Variants in EXOC4 observed in about 807,000 individuals in gnomAD.
The protein encoded by EXOC4 is SEC8-like 1.
Under a neutral mutation model 107.2 loss-of-function variants are expected in EXOC4, and 71 were observed. The observed-to-expected ratio is 0.66, with a 90% CI of 0.55 to 0.81. The LOEUF is 0.81. Ranked by LOEUF, EXOC4 falls within the 30% of genes least tolerant of loss-of-function variation. The probability of loss-of-function intolerance (pLI) is 0.00; values close to 1 mark genes in which losing one functional copy is unlikely to be tolerated. For synonymous variants in EXOC4, 456 were observed against 441.2 expected, an observed-to-expected ratio of 1.03 and a Z score of -0.42; for missense variants, 1,108 against 1,189.6, an observed-to-expected ratio of 0.93 and a Z score of 1.01.
intron 9 of EXOC4, among the ~76,000 whole-genome samples, chr7:133,489,773 C>T (rs1370423295): frequency 6.6e-6 from 1 of 152,060 alleles, no homozygotes; most frequent in African/African-American, 2.4e-5. Context: ...CCTTTGAAGG[C>T]CAAAAGAAAA....
Position 134,025,883 on chromosome 7 carries a change from T to C in EXOC4, c.2687+18048T>C, listed in dbSNP as rs764077644. 7.2e-5 allele frequency among the ~76,000 whole-genome samples: 11 copies of C among 152,260 alleles called. No individual in the cohort carries two copies. The South Asian group carries it at 1.9e-3, about 26-fold the overall frequency. On this transcript the variant is annotated intron_variant, in intron 17 of 17. Transcript: ENST00000253861. ...AGTCACAGGGCTAGCCCAGATTTAA[T>C]GTAGGAGAGGACTAAATAGAGGCAT...
chr7:133,318,814 CTTTG>C (rs545867789), intron 5 of EXOC4, among the ~76,000 whole-genome samples: 3 of 152,156 alleles, frequency 2.0e-5, no homozygotes, highest in African/African-American at 7.2e-5. Context: ...ATAGATTTTC[CTTTG>C]TTTAATTAGT....
chr7:133,362,267 C>T (rs1796152586), intron 6 of EXOC4, among the ~76,000 whole-genome samples: 1 of 152,114 alleles, frequency 6.6e-6, no homozygotes, highest in Non-Finnish European at 1.5e-5. Flanking sequence ...ATCTTTGATA[C>T]ATCTGGGATC....
chr7:133,309,244 CT>C (rs948832460), intron 4 of EXOC4, among the ~76,000 whole-genome samples: 5 of 152,104 alleles, frequency 3.3e-5, no homozygotes, highest in Non-Finnish European at 7.3e-5. Context: ...TTTTTATACA[CT>C]TAAAACCAGG....
chr7:134,059,500 A>G (rs1796006353), intron 17 of EXOC4, among the ~76,000 whole-genome samples: 1 of 152,208 alleles, frequency 6.6e-6, no homozygotes. Flanking sequence ...GTTCCACCTC[A>G]TGCAAATCAA....
chr7:133,604,871 G>T (rs1283818728), intron 9 of EXOC4, among the ~76,000 whole-genome samples: 3 of 151,360 alleles, frequency 2.0e-5, no homozygotes, highest in African/African-American at 7.3e-5. Flanking sequence ...TTGCAAGCAT[G>T]TGCCACCACA....
chr7:133,574,189 G>A (rs910650039), intron 9 of EXOC4, among the ~76,000 whole-genome samples: 1 of 152,050 alleles, frequency 6.6e-6, no homozygotes, highest in Non-Finnish European at 1.5e-5. Context: ...AAAAGAGAGT[G>A]TGTGTGTATG....
intron 9 of EXOC4, among the ~76,000 whole-genome samples, chr7:133,617,559 C>T (rs1683260502): frequency 2.0e-5 from 3 of 152,108 alleles, no homozygotes; most frequent in African/African-American, 7.2e-5. Flanking sequence ...TTACCAAACC[C>T]AAGTGAACTA....
chr7:133,908,847 T>C (rs1383998169), intron 12 of EXOC4, among the ~76,000 whole-genome samples: 1 of 152,216 alleles, frequency 6.6e-6, no homozygotes, highest in Non-Finnish European at 1.5e-5. Context: ...TTAATTTTTT[T>C]ATTATCATAC....
intron 9 of EXOC4, among the ~76,000 whole-genome samples, chr7:133,563,701 G>A (rs1800853160): frequency 1.3e-5 from 2 of 152,182 alleles, no homozygotes; most frequent in African/African-American, 2.4e-5. Flanking sequence ...GCATAAGTTA[G>A]TGGGGAAAAT....
chr7:133,360,170 T>G (rs149666714), intron 6 of EXOC4, among the ~76,000 whole-genome samples: 18 of 152,346 alleles, frequency 1.2e-4, no homozygotes, highest in South Asian at 2.1e-4. Flanking sequence ...TGCTGCCTAA[T>G]TGTTGATTCT....
At chr7:133,274,366 A>G (rs557719080) in intron 1 of EXOC4, among the ~76,000 whole-genome samples, 1 of 152,160 alleles carries the variant, frequency 6.6e-6, no homozygotes, top group East Asian at 1.9e-4. Context: ...AAAAAGACCA[A>G]CTGAAAGTGA....
intron 7 of EXOC4, among the ~76,000 whole-genome samples, chr7:133,399,412 G>A (rs559135672): frequency 6.6e-6 from 1 of 152,276 alleles, no homozygotes; most frequent in Admixed American, 6.5e-5. Context: ...GAACAACACA[G>A]TACCAGCATC....
intron 11 of EXOC4, among the ~76,000 whole-genome samples, chr7:133,845,649 G>A (rs561600009): frequency 1.3e-5 from 2 of 152,010 alleles, no homozygotes; most frequent in Admixed American, 6.6e-5. Flanking sequence ...TCAGCCATGG[G>A]CATCTCACTC....
At chr7:133,367,113 T>C (rs1297920436) in intron 6 of EXOC4, among the ~76,000 whole-genome samples, 5 of 152,064 alleles carry the variant, frequency 3.3e-5, no homozygotes, top group Non-Finnish European at 7.4e-5. Context: ...TATGATGAGT[T>C]CCATTTAAGT....
chr7:134,078,937 C>T, the EXOC4 span, among the ~76,000 whole-genome samples: 1 of 152,198 alleles, frequency 6.6e-6, no homozygotes, highest in Non-Finnish European at 1.5e-5. Context: ...TGCTTACACA[C>T]TGTTCCAGAC....
At chr7:133,698,963 G>A (rs1039174378) in intron 10 of EXOC4, among the ~76,000 whole-genome samples, 1 of 3,972 alleles carries the variant, frequency 2.5e-4, no homozygotes, top group African/African-American at 2.7e-4. Context: ...TGTATTTCTT[G>A]TAAAACTGCA....
At chr7:133,296,864 C>G (rs1482211947) in intron 3 of EXOC4, among the ~76,000 whole-genome samples, 2 of 152,098 alleles carry the variant, frequency 1.3e-5, no homozygotes, top group African/African-American at 4.8e-5. Context: ...TGCAAGAATT[C>G]TAAATTCAGG....
At chr7:133,372,504 A>AAT (rs1796399016) in intron 6 of EXOC4, among the ~76,000 whole-genome samples, 1 of 152,068 alleles carries the variant, frequency 6.6e-6, no homozygotes, top group East Asian at 1.9e-4. Flanking sequence ...AGATGTTAAT[A>AAT]GATACTGTGA....
Sources: allele counts gnomAD v4.1 joint callset (sites outside exome capture counted in the v4.1 genomes callset), GRCh38; gene constraint gnomAD v4.1.1; transcripts MANE v1.5; gene names NCBI Gene and HGNC (gene_info 2026-07-23, HGNC 2026-07-21).